The following SDK1 variants were observed in gnomAD, a reference collection of about 807,000 sequenced individuals.
SDK1 encodes sidekick cell adhesion molecule 1, also known as protein sidekick-1.
Under a neutral mutation model 245.5 loss-of-function variants are expected in SDK1, and 157 were observed. The ratio of observed to expected loss-of-function variants is 0.64; its 90% CI spans 0.56 to 0.73. The LOEUF is 0.73. Among genes scored for constraint, SDK1 ranks in the 30% least tolerant of loss-of-function variants. The probability of loss-of-function intolerance (pLI) is 0.00; values close to 1 mark genes in which losing one functional copy is unlikely to be tolerated. For synonymous variants in SDK1, 1,647 were observed against 1,278.5 expected (o/e 1.29, Z -6.15); for missense variants, 3,583 against 3,002.3 (o/e 1.19, Z -4.52).
intron 35 of SDK1, among the ~76,000 whole-genome samples, chr7:4,193,397 T>TATATATATATATATAA (rs1491542284): frequency 1.7e-4 from 11 of 64,210 alleles, no homozygotes; most frequent in African/African-American, 5.6e-4. Context: ...TATATATATA[T>TATATATATATATATAA]AAAGGGGAGT....
chr7:3,456,940 T>G (rs892175692), intron 1 of SDK1, among the ~76,000 whole-genome samples: 2 of 152,264 alleles, frequency 1.3e-5, no homozygotes, highest in African/African-American at 2.4e-5. Context: ...GTCTTGCTGT[T>G]TGGGTGTCTT....
intron 1 of SDK1, among the ~76,000 whole-genome samples, chr7:3,543,145 C>A (rs1779104389): frequency 6.6e-6 from 1 of 152,214 alleles, no homozygotes; most frequent in South Asian, 2.1e-4. Context: ...GGTTATGCAT[C>A]ATTTCTACTC....
chr7:3,757,938 A>G (rs988890630), intron 4 of SDK1, among the ~76,000 whole-genome samples: 1 of 152,182 alleles, frequency 6.6e-6, no homozygotes, highest in Non-Finnish European at 1.5e-5. Context: ...TTGCCTTGTT[A>G]GAACAAAAGA....
intron 5 of SDK1, among the ~76,000 whole-genome samples, chr7:3,861,912 A>T (rs1421409018): frequency 6.6e-6 from 1 of 152,168 alleles, no homozygotes; most frequent in Non-Finnish European, 1.5e-5. Flanking sequence ...CAATGCCAGG[A>T]GCTGTGGCAC....
intron 25 of SDK1, among the ~76,000 whole-genome samples, chr7:4,114,802 G>A (rs903935767): frequency 2.0e-5 from 3 of 152,158 alleles, no homozygotes; most frequent in African/African-American, 7.2e-5. Flanking sequence ...AGGCTTTACC[G>A]TTCTGTGGGA....
intron 4 of SDK1, among the ~76,000 whole-genome samples, chr7:3,744,510 C>G (rs1779561851): frequency 6.6e-6 from 1 of 151,934 alleles, no homozygotes; most frequent in Non-Finnish European, 1.5e-5. Flanking sequence ...CACAAAAGAC[C>G]TAAAAGAAAT....
chr7:4,078,551 G>A, intron 21 of SDK1, among the ~76,000 whole-genome samples: 1 of 152,162 alleles, frequency 6.6e-6, no homozygotes, highest in East Asian at 1.9e-4. Context: ...CCAAGCAACA[G>A]CAAATGAGGA....
chr7:3,942,096 C>T (rs750394373), intron 5 of SDK1, among the ~76,000 whole-genome samples: 2 of 151,930 alleles, frequency 1.3e-5, no homozygotes, highest in African/African-American at 4.8e-5. Flanking sequence ...TTAGTGGAGA[C>T]GGGGTTTCAC....
intron 13 of SDK1, among the ~76,000 whole-genome samples, chr7:3,983,596 G>A (rs73040403): frequency 0.16 from 24,426 of 152,204 alleles, 2,561 homozygotes; most frequent in South Asian, 0.3. Context: ...AAACCAAAAC[G>A]TGTGTGACTT....
chr7:3,636,035 G>T (rs1441768601), intron 2 of SDK1, among the ~76,000 whole-genome samples: 1 of 152,138 alleles, frequency 6.6e-6, no homozygotes, highest in Non-Finnish European at 1.5e-5. Context: ...ACTGCAATGT[G>T]CATATATTCA....
chr7:3,395,441 AT>A (rs1390820241), intron 1 of SDK1, among the ~76,000 whole-genome samples: 3 of 151,690 alleles, frequency 2.0e-5, no homozygotes, highest in African/African-American at 7.3e-5. Context: ...TCTGGTAATA[AT>A]TTGTCTCGCT....
chr7:3,336,050 C>G (rs1469341579), intron 1 of SDK1, among the ~76,000 whole-genome samples: 6 of 152,120 alleles, frequency 3.9e-5, no homozygotes, highest in Non-Finnish European at 5.9e-5. Context: ...CATCCCTGAA[C>G]CACCAGTAGG....
intron 5 of SDK1, among the ~76,000 whole-genome samples, chr7:3,927,410 A>G (rs1222041818): frequency 6.6e-6 from 1 of 152,138 alleles, no homozygotes; most frequent in Non-Finnish European, 1.5e-5. Flanking sequence ...TGCATCGTAC[A>G]TATTTTGTTC....
intron 1 of SDK1, among the ~76,000 whole-genome samples, chr7:3,340,484 C>T (rs1436177826): frequency 2.0e-5 from 3 of 152,066 alleles, no homozygotes; most frequent in Admixed American, 6.6e-5. Context: ...AAAAATTGGC[C>T]AGGTATGGTG....
chr7:3,931,492 C>T (rs1779977399), intron 5 of SDK1, among the ~76,000 whole-genome samples: 1 of 152,186 alleles, frequency 6.6e-6, no homozygotes, highest in African/African-American at 2.4e-5. Context: ...TATTCAACGT[C>T]CCAAAACAAT....
intron 1 of SDK1, among the ~76,000 whole-genome samples, chr7:3,325,114 T>C (rs1039148155): frequency 6.9e-6 from 1 of 145,270 alleles, no homozygotes; most frequent in African/African-American, 2.5e-5. Flanking sequence ...ACCAAACCAC[T>C]TTTTTTTTTT....
At chr7:4,123,051 G>T (rs530049486) in intron 25 of SDK1, among the ~76,000 whole-genome samples, 1 of 152,174 alleles carries the variant, frequency 6.6e-6, no homozygotes, top group South Asian at 2.1e-4. Context: ...TCTTTCTCCA[G>T]GGACGGGGTT....
chr7:3,820,851 T>C (rs1779626603), intron 4 of SDK1, among the ~76,000 whole-genome samples: 1 of 152,344 alleles, frequency 6.6e-6, no homozygotes, highest in African/African-American at 2.4e-5. Context: ...GACTGTTTAC[T>C]CATCCTTTGC....
At chr7:3,737,642 C>T (rs1451773705) in intron 4 of SDK1, among the ~76,000 whole-genome samples, 1 of 152,206 alleles carries the variant, frequency 6.6e-6, no homozygotes, top group East Asian at 1.9e-4. Flanking sequence ...TTTGGTGCCA[C>T]CACTGAGATA....
Sources: allele counts gnomAD v4.1 joint callset (sites outside exome capture counted in the v4.1 genomes callset), GRCh38; gene constraint gnomAD v4.1.1; transcripts MANE v1.5; gene names NCBI Gene and HGNC (gene_info 2026-07-23, HGNC 2026-07-21).